The following ZSWIM2 variants were observed in gnomAD, a reference collection of about 807,000 sequenced individuals.
ZSWIM2 encodes the protein E3 ubiquitin-protein ligase ZSWIM2.
A neutral mutation model predicts 48.4 loss-of-function variants in ZSWIM2; 38 were observed. That is an observed-to-expected ratio of 0.79 (90% CI 0.61 to 1.03). The LOEUF (loss-of-function observed/expected upper bound fraction) is 1.03, where lower values mean the gene tolerates loss of function less well. Among genes scored for constraint, ZSWIM2 ranks in the 50% least tolerant of loss-of-function variants. ZSWIM2 has a pLI of 0.00. For synonymous variants in ZSWIM2, 240 were observed against 251.3 expected, an observed-to-expected ratio of 0.96 and a Z score of 0.42; for missense variants, 776 against 730.2, an observed-to-expected ratio of 1.06 and a Z score of -0.72.
At chr2:186,836,166 C>G (rs577330850) in intron 5 of ZSWIM2, among the ~76,000 whole-genome samples, 2 of 152,070 alleles carry the variant, frequency 1.3e-5, no homozygotes, top group Non-Finnish European at 2.9e-5. Flanking sequence ...TCCCAGCCCC[C>G]ACTTTTACAT....
chr2:186,844,003 TTTAA>T (rs1376379847), intron 3 of ZSWIM2, among the ~76,000 whole-genome samples: 1 of 151,682 alleles, frequency 6.6e-6, no homozygotes, highest in Non-Finnish European at 1.5e-5. Flanking sequence ...TAATTATCAC[TTTAA>T]TTATTCATGA....
chr2:186,838,283 C>A, intron 4 of ZSWIM2, among the ~76,000 whole-genome samples: 1 of 144,468 alleles, frequency 6.9e-6, no homozygotes, highest in African/African-American at 2.6e-5. Flanking sequence ...TCTAACAAAA[C>A]AAGAATTGGT....
chr2:186,836,188 C>G lies in ZSWIM2; in HGVS notation c.743+1118G>C, dbSNP rs541046203. Among the ~76,000 whole-genome samples, 3 of 152,174 alleles carry G rather than the reference C, an allele frequency of 2.0e-5. No individual in the cohort carries two copies. The South Asian group carries it at 6.2e-4, about 32-fold the overall frequency. On this transcript the variant is annotated intron_variant, in intron 5 of 8. Coordinates refer to ENST00000295131, the MANE Select transcript of ZSWIM2 (RefSeq NM_182521.3). ...CCCCACTTTTACATGTGACCTTATC[C>G]CCTCCATGACTGGTCCTATCCACCC...
rs543193568 is a variant in ZSWIM2 at position 186,836,898 on chromosome 2, T to C, written c.743+408A>G. Reference sequence around the variant, plus strand: ...ATATTCAGTCAATCCAGTCAATGTCTCTCTGGCCCAATCTTCGGAATTTTT... The same window carrying C: ...ATATTCAGTCAATCCAGTCAATGTCCCTCTGGCCCAATCTTCGGAATTTTT... On this transcript the variant is annotated intron_variant, in intron 5 of 8. Transcript: ENST00000295131. Among the ~76,000 whole-genome samples, 16 of 152,226 alleles carry C rather than the reference T, an allele frequency of 1.1e-4. No homozygotes were observed. The South Asian group carries it at 3.3e-3, about 32-fold the overall frequency.
chr2:186,847,997 A>T (rs6750068), intron 1 of ZSWIM2, among the ~76,000 whole-genome samples: 37,394 of 152,108 alleles, frequency 0.25, 5,253 homozygotes, highest in Non-Finnish European at 0.31. Flanking sequence ...ACAAATTAGG[A>T]TGGTTTTAAA....
At chr2:186,831,274 T>C (rs1691694240) in intron 7 of ZSWIM2, among the ~76,000 whole-genome samples, 1 of 152,044 alleles carries the variant, frequency 6.6e-6, no homozygotes, top group Non-Finnish European at 1.5e-5. Context: ...TGGTTTCCAA[T>C]GTGTGTGGAG....
At chr2:186,832,113 T>C (rs1691710246) in intron 7 of ZSWIM2, among the ~76,000 whole-genome samples, 1 of 145,526 alleles carries the variant, frequency 6.9e-6, no homozygotes, top group Admixed American at 6.7e-5. Context: ...CTTTTTTTCT[T>C]TCTTTTCTAT....
In ZSWIM2 at chr2:186,827,892, A is replaced by C; in HGVS notation, c.*92T>G. ...GGCAAATTCCAACAGAGAATTTTAT[A>C]TACATTTGTCAAGACTATGTGTGCT... On this transcript the variant is annotated 3_prime_UTR_variant, in exon 9 of 9. Transcript: ENST00000295131. 1 of 1,099,246 alleles carries C rather than the reference A, an allele frequency of 9.1e-7. No individual in the cohort carries two copies. The highest frequency in any genetic ancestry group is 2.6e-5 in the East Asian group (1 of 38,226). 68.1% of individuals were successfully genotyped at this position (1,099,246 alleles called of 1,614,324 possible). A position where few individuals can be genotyped will look rare whatever the true frequency, so the allele number is the denominator to read the frequency against.
chr2:186,827,978 A>C lies in ZSWIM2; in HGVS notation c.*6T>G, dbSNP rs1481744293. On this transcript the variant is annotated 3_prime_UTR_variant, in exon 9 of 9. Coordinates refer to ENST00000295131, the MANE Select transcript of ZSWIM2 (RefSeq NM_182521.3). ...ACATTCAAATATTTTCAGATAGTAAACTTTTTCACAATTGAACTCCTTCTA... is the reference window on the plus strand; with the variant it reads ...ACATTCAAATATTTTCAGATAGTAACCTTTTTCACAATTGAACTCCTTCTA... 6.5e-7 allele frequency: 1 copy of C among 1,541,190 alleles called. No homozygotes were observed. Among genetic ancestry groups the C allele is most frequent in the Non-Finnish European group, 8.7e-7 (1 of 1,148,686 alleles).
intron 7 of ZSWIM2, among the ~76,000 whole-genome samples, 199 bp from the exon 8 acceptor site, chr2:186,830,079 A>G (rs1691671085): frequency 6.6e-6 from 1 of 152,182 alleles, no homozygotes; most frequent in South Asian, 2.1e-4. Flanking sequence ...ATCCAACTTC[A>G]TAAAGAACAA....
At chr2:186,839,307 C>A in intron 3 of ZSWIM2, 138 bp from the exon 4 acceptor site, 1 of 621,820 alleles carries the variant, frequency 1.6e-6, no homozygotes, top group South Asian at 3.3e-5. Context: ...CTGACATTGA[C>A]CCCTTCTTTA....
chr2:186,828,930 A>G, intron 8 of ZSWIM2, 140 bp from the exon 9 acceptor site: 2 of 567,266 alleles, frequency 3.5e-6, no homozygotes, highest in Non-Finnish European at 2.7e-6. Context: ...AAGTTTTATG[A>G]AAATATTTTG....
rs756233850 is a variant in ZSWIM2, at chr2:186,844,708, A to G, written c.283+9T>C. 58 of 1,555,914 alleles carry G rather than the reference A, an allele frequency of 3.7e-5. 2 individuals are homozygous for G. In the Admixed American group the frequency reaches 1.2e-3, roughly 32 times the overall value. On this transcript the variant is annotated intron_variant, in intron 3 of 8. Coordinates refer to ENST00000295131, the MANE Select transcript of ZSWIM2 (RefSeq NM_182521.3). ...AAAAAACACAAAAAACCCAAACCCCAAAACTTACATTCATGGTTCCTTGGA... is the reference window on the plus strand; with the variant it reads ...AAAAAACACAAAAAACCCAAACCCCGAAACTTACATTCATGGTTCCTTGGA...
chr2:186,833,305 G>C lies in ZSWIM2; in HGVS notation c.829-73C>G, dbSNP rs996198227. Reference sequence around the variant, plus strand: ...TCATTTTGTGGAGAAAAATTAGTTGGTTGCGTATCAATAATGTGAACAATA... The same window carrying C: ...TCATTTTGTGGAGAAAAATTAGTTGCTTGCGTATCAATAATGTGAACAATA... On this transcript the variant is annotated intron_variant, in intron 6 of 8. Transcript: ENST00000295131. 7.3e-6 allele frequency: 5 copies of C among 686,046 alleles called. No individual in the cohort carries two copies. In the Admixed American group the frequency reaches 1.4e-4, roughly 19 times the overall value. 42.5% of individuals were successfully genotyped at this position (686,046 alleles called of 1,614,324 possible). A position where few individuals can be genotyped will look rare whatever the true frequency, so the allele number is the denominator to read the frequency against.
intron 3 of ZSWIM2, among the ~76,000 whole-genome samples, chr2:186,842,208 C>T (rs560098431): frequency 1.6e-4 from 24 of 151,326 alleles, no homozygotes; most frequent in South Asian, 1.2e-3. Context: ...CTTATTTAAA[C>T]GCTATACATA....
chr2:186,836,905 C>T (rs1691803728), intron 5 of ZSWIM2, among the ~76,000 whole-genome samples: 1 of 152,028 alleles, frequency 6.6e-6, no homozygotes, highest in Non-Finnish European at 1.5e-5. Flanking sequence ...GTCTCTCTGG[C>T]CCAATCTTCG....
At position 186,828,529 on chromosome 2, in the gene ZSWIM2, T is replaced by C. The variant is rs577366288; in HGVS notation, c.1357A>G (p.Asn453Asp). The C allele has an allele frequency of 1.9e-6, 3 of 1,613,532 alleles. No individual in the cohort carries two copies. Among genetic ancestry groups the C allele is most frequent in the Non-Finnish European group, 2.5e-6 (3 of 1,179,662 alleles). Residue 453 changes from asparagine (N) to aspartate (D), a missense_variant, in exon 9 of 9, where the codon AAT becomes GAT. Asn to Asp is a conservative substitution (Grantham distance 23). Coordinates refer to ENST00000295131, the MANE Select transcript of ZSWIM2 (RefSeq NM_182521.3). Reference protein sequence around the residue: ...SIPQCNFDELNTPQSPKDAYE... With the variant: ...SIPQCNFDELDTPQSPKDAYE... ...GCATCTTTTGGGCTTTGAGGTGTAT[T>C]CAATTCATCAAAATTACACTGAGGT... is the stretch of plus-strand genomic sequence containing the variant.
chr2:186,842,734 T>C (rs1476292235), intron 3 of ZSWIM2, among the ~76,000 whole-genome samples: 1 of 151,588 alleles, frequency 6.6e-6, no homozygotes, highest in African/African-American at 2.4e-5. Context: ...AGGTAGCTAT[T>C]GTGTACTTGA....
chr2:186,847,395 A>G (rs984898793), intron 2 of ZSWIM2, among the ~76,000 whole-genome samples: 1 of 152,106 alleles, frequency 6.6e-6, no homozygotes, highest in Non-Finnish European at 1.5e-5. Flanking sequence ...CAAATGAACC[A>G]TATAATTATC....
Sources: allele counts gnomAD v4.1 joint callset (sites outside exome capture counted in the v4.1 genomes callset), GRCh38; gene constraint gnomAD v4.1.1; transcripts MANE v1.5; gene names NCBI Gene and HGNC (gene_info 2026-07-23, HGNC 2026-07-21).